SIGLEC5: variants seen among roughly 807,000 people sequenced by gnomAD.
SIGLEC5 encodes the protein sialic acid binding Ig like lectin 5, also known as sialic acid-binding Ig-like lectin 5.
A neutral mutation model predicts 45.9 loss-of-function variants in SIGLEC5; 34 were observed. The observed-to-expected ratio is 0.74, with a 90% confidence interval of 0.56 to 0.99. The LOEUF is 0.99. Among genes scored for constraint, SIGLEC5 ranks in the 50% least tolerant of loss-of-function variants. SIGLEC5 has a pLI of 0.00. For synonymous variants in SIGLEC5, 203 were observed against 258.6 expected, an observed-to-expected ratio of 0.79 and a Z score of 2.06; for missense variants, 508 against 629.6, an observed-to-expected ratio of 0.81 and a Z score of 2.07.
rs570881417 is a variant in SIGLEC5, at chr19:51,629,480, G to A, written c.578C>T (p.Thr193Ile). 2.5e-5 allele frequency: 41 copies of A among 1,612,626 alleles called. 1 individual carries two copies. The South Asian group carries it at 4.4e-4, about 17-fold the overall frequency. ...GGTGAGGGTGAGCTCCGAGGAGCGGGTGGTCTCGGGGTCCAGGGGGCTGAG... is the reference window on the plus strand; with the variant it reads ...GGTGAGGGTGAGCTCCGAGGAGCGGATGGTCTCGGGGTCCAGGGGGCTGAG... ...NALSPLDPET[T>I]RSSELTLTPR... Residue 193 changes from threonine (T) to isoleucine (I), a missense_variant, in exon 3 of 9, where the codon ACC becomes ATC. Thr to Ile is a moderately conservative substitution (Grantham distance 89). Around this residue, in one of 2 missense-constraint regions of SIGLEC5, gnomAD observed 77 missense variants for 200.8 expected, o/e 0.38. Transcript: ENST00000683636.
intron 1 of SIGLEC5, 37 bp downstream of exon 1, chr19:51,630,262 A>G (rs1198683511): frequency 1.5e-6 from 1 of 659,324 alleles, no homozygotes; most frequent in East Asian, 3.3e-5. Flanking sequence ...CCCCCTTCTC[A>G]CCCCTGTGCC....
rs1218592785 is a variant in SIGLEC5, at chr19:51,629,896, C to T, written c.358G>A (p.Val120Met). ...MEDTGSYFFR[V>M]ERGRDVKYSY... Reference sequence around the variant, plus strand: ...TATTTTACATCCCTTCCTCTCTCCACGCGGAAGAAATAGCTTCCCGTGTCC... The same window carrying T: ...TATTTTACATCCCTTCCTCTCTCCATGCGGAAGAAATAGCTTCCCGTGTCC... The change falls in exon 2 of 9, where the codon GTG becomes ATG. Residue 120 changes from valine to methionine, a missense_variant. Val to Met is a conservative substitution (Grantham distance 21). Transcript: ENST00000683636. 4.2e-6 allele frequency: 5 copies of T among 1,193,964 alleles called. No homozygotes were observed. Among genetic ancestry groups the T allele is most frequent in the African/African-American group, 1.7e-5 (1 of 58,622 alleles). The allele number at this position is 1,193,964 out of a possible 1,614,324, so 74.0% of individuals were successfully genotyped here. A position where few individuals can be genotyped will look rare whatever the true frequency, so the allele number is the denominator to read the frequency against.
intron 7 of SIGLEC5, among the ~76,000 whole-genome samples, chr19:51,626,880 T>C (rs968853784): frequency 6.6e-6 from 1 of 151,452 alleles, no homozygotes; most frequent in African/African-American, 2.4e-5. Context: ...CCTCTCTGGA[T>C]CTACTCAGTT....
At chr19:51,618,444 A>G (rs963439909) in intron 8 of SIGLEC5, among the ~76,000 whole-genome samples, 1 of 36,872 alleles carries the variant, frequency 2.7e-5, no homozygotes. Context: ...GACCCTGCCT[A>G]AAAAAAAAAA....
intron 8 of SIGLEC5, among the ~76,000 whole-genome samples, chr19:51,617,118 G>A (rs1983093827): frequency 6.6e-6 from 1 of 151,678 alleles, no homozygotes; most frequent in South Asian, 2.1e-4. Context: ...AGCCGGGCAT[G>A]GTGGCGGGCG....
chr19:51,629,310 C>T, intron 3 of SIGLEC5, 48 bp downstream of exon 3: 1 of 1,513,176 alleles, frequency 6.6e-7, no homozygotes, highest in Non-Finnish European at 9.1e-7. Flanking sequence ...ACACACCCCT[C>T]ACTCCCACTG....
intron 4 of SIGLEC5, among the ~76,000 whole-genome samples, 153 bp from the exon 5 acceptor site, chr19:51,628,244 G>A (rs1195881744): frequency 1.3e-5 from 2 of 152,158 alleles, no homozygotes; most frequent in Non-Finnish European, 2.9e-5. Flanking sequence ...CTGGGCCTTT[G>A]CACACTCAGG....
chr19:51,630,269 T>C (rs1983694971), intron 1 of SIGLEC5, 30 bp downstream of exon 1: 3 of 672,744 alleles, frequency 4.5e-6, no homozygotes, highest in Non-Finnish European at 6.8e-6. Context: ...CTCACCCCTG[T>C]GCCTGTCCCT....
chr19:51,623,407 A>G (rs1406700910), intron 8 of SIGLEC5, among the ~76,000 whole-genome samples: 1 of 152,222 alleles, frequency 6.6e-6, no homozygotes, highest in African/African-American at 2.4e-5. Flanking sequence ...TTTACAACAC[A>G]TACAATGAGA....
chr19:51,628,715 ATG>A lies in SIGLEC5; in HGVS notation c.739+321_739+322del, dbSNP rs1232422698. ...GTGTGGTGTATGTGTGTGTGTGCAT[ATG>A]TGTGTGGTGTGTGTGCATGTGTGCC... On this transcript the variant is annotated intron_variant, in intron 4 of 8. Transcript: ENST00000683636. Among the ~76,000 whole-genome samples the A allele has an allele frequency of 2.1e-5, 3 of 142,562 alleles. No homozygotes were observed. In the East Asian group the frequency reaches 6.4e-4, roughly 30 times the overall value. The allele number at this position is 142,562 out of a possible 152,430, so 93.5% of individuals were successfully genotyped here. A position where few individuals can be genotyped will look rare whatever the true frequency, so the allele number is the denominator to read the frequency against.
At chr19:51,620,359 C>T (rs1414795753) in intron 8 of SIGLEC5, among the ~76,000 whole-genome samples, 2 of 152,038 alleles carry the variant, frequency 1.3e-5, no homozygotes, top group African/African-American at 2.4e-5. Context: ...TGCATATAGA[C>T]GCAAAAGTGC....
intron 8 of SIGLEC5, among the ~76,000 whole-genome samples, chr19:51,617,592 T>C (rs958782789): frequency 1.3e-5 from 2 of 152,194 alleles, no homozygotes; most frequent in African/African-American, 4.8e-5. Flanking sequence ...TTAGAATGTA[T>C]ATCCTGCCAA....
chr19:51,626,242 C>A (rs866590477), intron 7 of SIGLEC5, 129 bp from the exon 8 acceptor site: 3 of 690,448 alleles, frequency 4.3e-6, no homozygotes, highest in Non-Finnish European at 7.6e-6. Context: ...ACTCGGAGAC[C>A]TTCCTGACTT....
chr19:51,616,955 A>C (rs1033533903), intron 8 of SIGLEC5, among the ~76,000 whole-genome samples: 9 of 149,474 alleles, frequency 6.0e-5, no homozygotes, highest in Non-Finnish European at 8.9e-5. Context: ...AGATAATAAT[A>C]GTTTTCAAAT....
At chr19:51,627,072 G>T (rs915166553) in intron 7 of SIGLEC5, 77 bp downstream of exon 7, 70 of 1,145,676 alleles carry the variant, frequency 6.1e-5, no homozygotes, top group Non-Finnish European at 8.9e-5. Context: ...TCTGGCCTTA[G>T]CTCTGTGTTT....
rs183456323 is a variant in SIGLEC5, at chr19:51,626,407, C to A, written c.1383-294G>T. On this transcript the variant is annotated intron_variant, in intron 7 of 8. Transcript: ENST00000683636. ...TCATAGCCAAGAAGCAGAGGCAACCCAAGTACCCGTCAACAGCTGAACCCA... is the reference window on the plus strand; with the variant it reads ...TCATAGCCAAGAAGCAGAGGCAACCAAAGTACCCGTCAACAGCTGAACCCA... 6.1e-4 allele frequency among the ~76,000 whole-genome samples: 93 copies of A among 152,248 alleles called. 1 individual carries two copies. Among genetic ancestry groups the A allele is most frequent in the Non-Finnish European group, 1.2e-3 (83 of 68,024 alleles).
At position 51,627,997 on chromosome 19, in the gene SIGLEC5, G is replaced by C; in HGVS notation, c.834C>G (p.His278Gln). Reference sequence around the variant, plus strand: ...CAGGGGAGCCCTGGAACCAGCTCAGGTGTGCAGGGGGGTTGCTGGGAGCAT... The same window carrying C: ...CAGGGGAGCCCTGGAACCAGCTCAGCTGTGCAGGGGGGTTGCTGGGAGCAT... ...LCDAPSNPPA[H>Q]LSWFQGSPAL... is the part of the protein sequence containing the mutation. The change falls in exon 5 of 9, where the codon CAC (histidine) becomes CAG (glutamine). Residue 278 changes from histidine (H) to glutamine (Q), a missense_variant. Coordinates refer to ENST00000683636, the MANE Select transcript of SIGLEC5 (RefSeq NM_003830.4). 3 of 1,612,504 alleles carry C rather than the reference G, an allele frequency of 1.9e-6. No individual in the cohort carries two copies. The East Asian group carries it at 6.7e-5, about 36-fold the overall frequency.
At chr19:51,627,441 C>T in intron 6 of SIGLEC5, 21 bp downstream of exon 6, 1 of 1,600,914 alleles carries the variant, frequency 6.2e-7, no homozygotes, top group Non-Finnish European at 8.5e-7. Context: ...GGCCCCTGCC[C>T]TCTGCAATAC....
At chr19:51,615,490 G>A (rs1195601859) in intron 8 of SIGLEC5, among the ~76,000 whole-genome samples, 1 of 152,180 alleles carries the variant, frequency 6.6e-6, no homozygotes, top group Non-Finnish European at 1.5e-5. Flanking sequence ...ATGTGCCAGT[G>A]TCCAACAGGC....
Sources: allele counts gnomAD v4.1 joint callset (sites outside exome capture counted in the v4.1 genomes callset), GRCh38; gene constraint gnomAD v4.1.1; regional missense constraint gnomAD v4.1.1; transcripts MANE v1.5; gene names NCBI Gene and HGNC (gene_info 2026-07-23, HGNC 2026-07-21).